Variants in IGF2R observed in about 807,000 individuals in gnomAD.
The protein encoded by IGF2R is insulin like growth factor 2 receptor.
A neutral mutation model predicts 270.6 loss-of-function variants in IGF2R; 91 were observed. The observed-to-expected ratio is 0.34, with a 90% CI of 0.28 to 0.40. The LOEUF (loss-of-function observed/expected upper bound fraction) is 0.40. Ranked by LOEUF, IGF2R falls within the 10% of genes least tolerant of loss-of-function variation. The pLI is 1.00. For missense variants in IGF2R, 2,805 were observed against 3,188.3 expected (o/e 0.88, Z 2.90); for synonymous variants, 1,316 against 1,258.9 (o/e 1.05, Z -0.96).
rs1476259879 is a variant in IGF2R, at chr6:160,065,842, A to G, written c.4115+941A>G. Among the ~76,000 whole-genome samples the G allele has an allele frequency of 1.6e-4, 17 of 104,888 alleles. 1 individual carries two copies. The highest frequency in any genetic ancestry group is 8.7e-4 in the Admixed American group (9 of 10,386). 68.8% of individuals were successfully genotyped at this position (104,888 alleles called of 152,430 possible). Reference sequence around the variant, plus strand: ...TATATATATATATATATATATATATATATGTATTTTTTTTGAGATGGAATC... The same window carrying G: ...TATATATATATATATATATATATATGTATGTATTTTTTTTGAGATGGAATC... On this transcript the variant is annotated intron_variant, in intron 29 of 47. Coordinates refer to ENST00000356956, the MANE Select transcript of IGF2R (RefSeq NM_000876.4).
chr6:160,038,022 C>T (rs1002020265), intron 10 of IGF2R, among the ~76,000 whole-genome samples: 3 of 152,132 alleles, frequency 2.0e-5, no homozygotes, highest in Non-Finnish European at 4.4e-5. Context: ...AAAAATTAAA[C>T]TAGTTGGGTA....
chr6:159,986,858 C>T (rs1047739651), intron 1 of IGF2R, among the ~76,000 whole-genome samples: 2 of 151,732 alleles, frequency 1.3e-5, no homozygotes, highest in Non-Finnish European at 2.9e-5. Flanking sequence ...ATTTGCTTGG[C>T]TGTTAAATGA....
chr6:160,070,428 C>T (rs1778693613), intron 31 of IGF2R, among the ~76,000 whole-genome samples: 1 of 152,190 alleles, frequency 6.6e-6, no homozygotes, highest in Non-Finnish European at 1.5e-5. Context: ...AGCGCTGCCA[C>T]TTCCCAGCCA....
chr6:159,999,093 C>T (rs536238087), intron 2 of IGF2R, among the ~76,000 whole-genome samples: 1 of 152,196 alleles, frequency 6.6e-6, no homozygotes, highest in South Asian at 2.1e-4. Context: ...ACATTTAATA[C>T]GGACTTATGA....
rs1273451096 is a variant in IGF2R, at chr6:160,084,097, G to A, written c.5981G>A (p.Cys1994Tyr). Reference sequence around the variant, plus strand: ...GTCTGCCCTCCAAAGAAGTTGGAGTGCAAATTCGTCCAGAAACACAAAACC... The same window carrying A: ...GTCTGCCCTCCAAAGAAGTTGGAGTACAAATTCGTCCAGAAACACAAAACC... Reference protein sequence around the residue: ...KVVCPPKKLECKFVQKHKTYD... With the variant: ...KVVCPPKKLEYKFVQKHKTYD... Residue 1994 changes from cysteine (C) to tyrosine (Y), a missense_variant, in exon 40 of 48, where the codon TGC (cysteine) becomes TAC (tyrosine). Physicochemically the swap from Cys to Tyr is radical, Grantham distance 194. Coordinates refer to ENST00000356956, the MANE Select transcript of IGF2R (RefSeq NM_000876.4). This position sits in a 1 kb window ranked among gnomAD's most constrained non-coding sequence, Gnocchi z 4.6. The A allele has an allele frequency of 1.2e-6, 2 of 1,614,046 alleles. No homozygotes were observed.
chr6:160,100,381 G>T (rs1034977430), intron 45 of IGF2R, among the ~76,000 whole-genome samples: 1 of 151,992 alleles, frequency 6.6e-6, no homozygotes, highest in Non-Finnish European at 1.5e-5. Flanking sequence ...AAAATATTAG[G>T]GATAAAGAAT....
intron 46 of IGF2R, 78 bp from the exon 47 acceptor site, chr6:160,103,668 G>T (rs1779544381): frequency 2.1e-6 from 2 of 943,912 alleles, no homozygotes; most frequent in Non-Finnish European, 1.7e-6. Flanking sequence ...TGCAGATGGG[G>T]GTGGGGCTGG....
chr6:160,092,891 C>T (rs992106058), intron 44 of IGF2R, among the ~76,000 whole-genome samples: 1 of 152,236 alleles, frequency 6.6e-6, no homozygotes, highest in African/African-American at 2.4e-5. Flanking sequence ...AGGTTGGGAG[C>T]AGCAGAGTTC....
rs2115189714 is a variant in IGF2R at position 159,998,868 on chromosome 6, C to G, written c.289+7545C>G. Among the ~76,000 whole-genome samples, 1 of 152,316 alleles carries G rather than the reference C, an allele frequency of 6.6e-6. No homozygotes were observed. Among genetic ancestry groups the G allele is most frequent in the African/African-American group, 2.4e-5 (1 of 41,568 alleles). On this transcript the variant is annotated intron_variant, in intron 2 of 47. Coordinates refer to ENST00000356956, the MANE Select transcript of IGF2R (RefSeq NM_000876.4). This position sits in a 1 kb window ranked among gnomAD's most constrained non-coding sequence, Gnocchi z 4.1. Reference sequence around the variant, plus strand: ...CTAAATTTTGTTGCACATTCATGTGCTAGGCCTAATGTTTAAAAGTAAAAT... The same window carrying G: ...CTAAATTTTGTTGCACATTCATGTGGTAGGCCTAATGTTTAAAAGTAAAAT...
At chr6:160,046,400 C>T in intron 14 of IGF2R, 98 bp from the exon 15 acceptor site, 1 of 1,236,020 alleles carries the variant, frequency 8.1e-7, no homozygotes, top group East Asian at 2.4e-5. Flanking sequence ...TTGGGAACCT[C>T]CTGGGAAGAA....
intron 20 of IGF2R, among the ~76,000 whole-genome samples, chr6:160,056,910 G>A (rs1402673060): frequency 6.6e-6 from 1 of 152,182 alleles, no homozygotes; most frequent in Non-Finnish European, 1.5e-5. Context: ...GGTAGAGCCC[G>A]TATGTTTTAA....
intron 2 of IGF2R, 36 bp from the exon 3 acceptor site, chr6:160,008,974 T>TTGG (rs1784289542): frequency 6.2e-7 from 1 of 1,610,612 alleles, no homozygotes; most frequent in African/African-American, 1.3e-5. Context: ...TTATGTATGT[T>TTGG]TTATAGCCTG....
At chr6:160,037,810 C>G (rs1050189584) in intron 10 of IGF2R, among the ~76,000 whole-genome samples, 1 of 152,130 alleles carries the variant, frequency 6.6e-6, no homozygotes, top group South Asian at 2.1e-4. Context: ...GGTGCGGGCT[C>G]TGCTCCATGT....
chr6:160,042,145 C>T (rs1444015661), intron 11 of IGF2R, among the ~76,000 whole-genome samples: 4 of 152,140 alleles, frequency 2.6e-5, no homozygotes, highest in Non-Finnish European at 5.9e-5. Context: ...GTAGATAGCC[C>T]TAAGTAAATT....
At chr6:160,079,988 G>A (rs1339743450) in intron 38 of IGF2R, 141 bp from the exon 39 acceptor site, 2 of 1,102,932 alleles carry the variant, frequency 1.8e-6, no homozygotes, top group African/African-American at 1.6e-5. Context: ...CAGTTGCCTG[G>A]TGAGTTTTGG....
chr6:160,057,808 A>G (rs979728509), intron 20 of IGF2R, among the ~76,000 whole-genome samples: 1 of 152,114 alleles, frequency 6.6e-6, no homozygotes. Context: ...GGTGAGTGTA[A>G]TTTCTGAGTC....
intron 19 of IGF2R, among the ~76,000 whole-genome samples, chr6:160,052,919 G>T (rs553549500): frequency 6.4e-4 from 98 of 152,006 alleles, no homozygotes; most frequent in African/African-American, 2.1e-3. Context: ...TTACACCTGA[G>T]ACAAAATTAA....
In IGF2R at chr6:160,027,305, G is replaced by A. The variant is rs371916370; in HGVS notation, c.767G>A (p.Arg256His). The change falls in exon 6 of 48, where the codon CGC (arginine) becomes CAC (histidine). Residue 256 changes from arginine to histidine, a missense_variant. Physicochemically the swap from Arg to His is conservative, Grantham distance 29. This residue lies in a region of IGF2R where 954 missense variants were observed against 981.1 expected (regional missense o/e 0.97). Transcript: ENST00000356956. ...GQPRDGLKLV[R>H]KDRLVLSYVR... ...CCCCGGGACGGACTGAAGCTGGTGC[G>A]CAAGGACAGGTCAGTCAAGGCCTCC... 21 of 1,612,778 alleles carry A rather than the reference G, an allele frequency of 1.3e-5. No individual in the cohort carries two copies. Among genetic ancestry groups the A allele is most frequent in the Middle Eastern group, 1.7e-4 (1 of 5,858 alleles).
At chr6:160,061,007 A>G (rs190859707) in intron 23 of IGF2R, among the ~76,000 whole-genome samples, 185 of 152,308 alleles carry the variant, frequency 1.2e-3, no homozygotes, top group Non-Finnish European at 2.2e-3. Flanking sequence ...CACATTTCAC[A>G]TGTACTGTCA....
Sources: allele counts gnomAD v4.1 joint callset (sites outside exome capture counted in the v4.1 genomes callset), GRCh38; gene constraint gnomAD v4.1.1; regional missense constraint gnomAD v4.1.1; non-coding constraint Gnocchi (gnomAD v3.1); transcripts MANE v1.5; gene names NCBI Gene and HGNC (gene_info 2026-07-23, HGNC 2026-07-21).